THNSL1: variants seen among roughly 807,000 people sequenced by gnomAD.
THNSL1 encodes threonine synthase like 1.
THNSL1 carries 48 observed loss-of-function variants against 50.4 expected under a neutral mutation model. The observed-to-expected ratio is 0.95, with a 90% CI of 0.76 to 1.21. THNSL1 has a LOEUF of 1.21. Among genes scored for constraint, THNSL1 ranks in the 50% most tolerant of loss-of-function variants. The pLI is 0.00. For synonymous variants in THNSL1, 309 were observed against 306.1 expected (o/e 1.01, Z -0.10); for missense variants, 896 against 871.7 (o/e 1.03, Z -0.35).
At chr10:24,958,092 C>T in the THNSL1 span, among the ~76,000 whole-genome samples, 2 of 151,924 alleles carry the variant, frequency 1.3e-5, no homozygotes, top group Non-Finnish European at 2.9e-5. Flanking sequence ...CTCAGTGACA[C>T]TAGATTGGAA....
At chr10:25,007,129 G>C in the THNSL1 span, among the ~76,000 whole-genome samples, 1 of 152,106 alleles carries the variant, frequency 6.6e-6, no homozygotes, top group African/African-American at 2.4e-5. Context: ...GAGTCATCAT[G>C]TCTAGACAGT....
At chr10:25,012,267 G>A (rs529460405), upstream of THNSL1, among the ~76,000 whole-genome samples, 1 of 152,388 alleles carries the variant, frequency 6.6e-6, no homozygotes, top group Non-Finnish European at 1.5e-5. Flanking sequence ...CTAGGGCAGT[G>A]TGGAAGGGAA....
At chr10:25,018,068 T>C (rs1415687486) in intron 1 of THNSL1, among the ~76,000 whole-genome samples, 1 of 152,222 alleles carries the variant, frequency 6.6e-6, no homozygotes, top group African/African-American at 2.4e-5. Flanking sequence ...CTTGATGTTC[T>C]GGGGTTACTG....
upstream of THNSL1, among the ~76,000 whole-genome samples, chr10:25,012,232 G>T (rs1243506496): frequency 6.6e-6 from 1 of 152,242 alleles, no homozygotes; most frequent in Non-Finnish European, 1.5e-5. Flanking sequence ...GTGCTTCGGG[G>T]CAGAGCCCTC....
At chr10:24,971,685 T>C in the THNSL1 span, among the ~76,000 whole-genome samples, 88 of 152,326 alleles carry the variant, frequency 5.8e-4, 1 homozygote, top group East Asian at 0.016. Context: ...AACAGTGGGA[T>C]GTTTTGGTGG....
chr10:25,017,010 C>T (rs1464718417), intron 1 of THNSL1, among the ~76,000 whole-genome samples: 2 of 152,188 alleles, frequency 1.3e-5, no homozygotes, highest in Non-Finnish European at 2.9e-5. Flanking sequence ...CCTCCGCCTG[C>T]TGCGCTCGCC....
chr10:25,014,101 C>G (rs1056169811), upstream of THNSL1, among the ~76,000 whole-genome samples: 1 of 152,166 alleles, frequency 6.6e-6, no homozygotes, highest in African/African-American at 2.4e-5. Context: ...AGTTCAACTG[C>G]AGAAAAGTGC....
At chr10:25,011,048 T>G in the THNSL1 span, among the ~76,000 whole-genome samples, 1 of 148,312 alleles carries the variant, frequency 6.7e-6, no homozygotes, top group Non-Finnish European at 1.5e-5. Context: ...TGAACTAGTT[T>G]ACAGTCCCAC....
chr10:24,978,667 T>C, the THNSL1 span, among the ~76,000 whole-genome samples: 1 of 152,206 alleles, frequency 6.6e-6, no homozygotes, highest in South Asian at 2.1e-4. Context: ...GTTTTACTTA[T>C]CATTCTTTCT....
the THNSL1 span, among the ~76,000 whole-genome samples, chr10:24,956,420 A>G: frequency 2.0e-5 from 3 of 147,154 alleles, no homozygotes; most frequent in Non-Finnish European, 4.5e-5. Flanking sequence ...TTTTTCTATC[A>G]TTCTCTTTAT....
At chr10:24,975,487 A>C in the THNSL1 span, among the ~76,000 whole-genome samples, 1 of 152,150 alleles carries the variant, frequency 6.6e-6, no homozygotes, top group African/African-American at 2.4e-5. Flanking sequence ...CTCATCTTGA[A>C]TTGTAATCTC....
At chr10:25,015,670 CTGTAA>C (rs1437002856), upstream of THNSL1, among the ~76,000 whole-genome samples, 1 of 152,198 alleles carries the variant, frequency 6.6e-6, no homozygotes, top group Non-Finnish European at 1.5e-5. Context: ...ACTGCCCTCT[CTGTAA>C]AACTGTGAGA....
the THNSL1 span, among the ~76,000 whole-genome samples, chr10:24,996,991 GGAA>G: frequency 6.6e-6 from 1 of 152,270 alleles, no homozygotes; most frequent in African/African-American, 2.4e-5. Context: ...ATACATATAA[GGAA>G]GAACACGTAA....
chr10:24,968,474 C>T, the THNSL1 span, among the ~76,000 whole-genome samples: 1 of 152,148 alleles, frequency 6.6e-6, no homozygotes, highest in South Asian at 2.1e-4. Context: ...GAGCTAACAT[C>T]CTCCTTGGGT....
the THNSL1 span, among the ~76,000 whole-genome samples, chr10:25,005,662 A>G: frequency 2.0e-4 from 30 of 152,248 alleles, no homozygotes; most frequent in Non-Finnish European, 4.0e-4. Flanking sequence ...GTCCACCTAC[A>G]GACTTGAAAT....
Position 25,025,759 on chromosome 10 carries a change from T to G in THNSL1, c.*304T>G, listed in dbSNP as rs557207556. On this transcript the variant is annotated 3_prime_UTR_variant, in exon 3 of 3. Transcript: ENST00000376356. ...CCTCACTGTTATGTGGACCAAAATG[T>G]CTGGTATACTATTTGGCGATTAAAA... The G allele has an allele frequency of 3.7e-6, 1 of 271,330 alleles. No individual in the cohort carries two copies. Among genetic ancestry groups the G allele is most frequent in the Non-Finnish European group, 7.4e-6 (1 of 134,470 alleles). 16.8% of individuals were successfully genotyped at this position (271,330 alleles called of 1,614,324 possible).
the THNSL1 span, among the ~76,000 whole-genome samples, chr10:24,989,157 G>A: frequency 4.6e-5 from 7 of 152,086 alleles, no homozygotes; most frequent in South Asian, 1.0e-3. Context: ...ACAAAGGCAC[G>A]TACTTTCTGA....
At chr10:24,978,759 C>T in the THNSL1 span, among the ~76,000 whole-genome samples, 9 of 152,120 alleles carry the variant, frequency 5.9e-5, no homozygotes, top group Admixed American at 2.6e-4. Context: ...TCCTGCATTC[C>T]GATCAGTTTG....
upstream of THNSL1, chr10:25,016,197 T>C (rs572018896): frequency 1.8e-5 from 21 of 1,174,074 alleles, no homozygotes; most frequent in Non-Finnish European, 2.2e-5. Context: ...AACGAGGAAG[T>C]GGCAGGCAGC....
Sources: allele counts gnomAD v4.1 joint callset (sites outside exome capture counted in the v4.1 genomes callset), GRCh38; gene constraint gnomAD v4.1.1; transcripts MANE v1.5; gene names NCBI Gene and HGNC (gene_info 2026-07-23, HGNC 2026-07-21).